GARIN1B: variants seen among roughly 807,000 people sequenced by gnomAD.
The protein encoded by GARIN1B is golgi associated RAB2 interactor 1B, also known as Golgi-associated RAB2 interactor protein 1B.
chr7:128,714,131 T>A, the GARIN1B span: 2 of 1,535,922 alleles, frequency 1.3e-6, no homozygotes, highest in East Asian at 2.4e-5. Context: ...TGGAATTGGA[T>A]GGTGAGAGCC....
the GARIN1B span, among the ~76,000 whole-genome samples, chr7:128,713,076 G>A: frequency 2.0e-5 from 3 of 152,080 alleles, no homozygotes; most frequent in Admixed American, 6.5e-5. Flanking sequence ...AGGTCAAGGC[G>A]GTTGGATTAC....
chr7:128,710,572 C>G, the GARIN1B span, among the ~76,000 whole-genome samples: 1 of 152,312 alleles, frequency 6.6e-6, no homozygotes, highest in South Asian at 2.1e-4. Context: ...TATTCTCAAG[C>G]CTGTCATCCA....
the GARIN1B span, among the ~76,000 whole-genome samples, chr7:128,721,481 C>T: frequency 6.2e-4 from 94 of 152,086 alleles, no homozygotes; most frequent in Non-Finnish European, 9.7e-4. Context: ...AGCAGTTTTA[C>T]AGATTCCTTG....
At chr7:128,719,759 G>C in the GARIN1B span, among the ~76,000 whole-genome samples, 3 of 146,916 alleles carry the variant, frequency 2.0e-5, no homozygotes, top group Non-Finnish European at 4.5e-5. Context: ...GAGTGCAGTG[G>C]CACAATCTTG....
the GARIN1B span, among the ~76,000 whole-genome samples, chr7:128,722,915 C>G: frequency 1.3e-5 from 2 of 152,046 alleles, no homozygotes; most frequent in African/African-American, 4.8e-5. Context: ...ATAGGCTATT[C>G]ATACATTATA....
chr7:128,727,813 C>T, the GARIN1B span, among the ~76,000 whole-genome samples: 1 of 152,146 alleles, frequency 6.6e-6, no homozygotes, highest in African/African-American at 2.4e-5. Context: ...TCACACAACA[C>T]CTTCCTGCCA....
the GARIN1B span, chr7:128,724,844 A>C: frequency 1.1e-4 from 137 of 1,289,522 alleles, no homozygotes; most frequent in Non-Finnish European, 1.4e-4. Flanking sequence ...ACTGAAAACC[A>C]GTACAGCTTG....
At chr7:128,730,469 A>G in the GARIN1B span, among the ~76,000 whole-genome samples, 2 of 151,312 alleles carry the variant, frequency 1.3e-5, no homozygotes, top group Non-Finnish European at 2.9e-5. Context: ...GTGGGGTCAG[A>G]CCTCCCTAAG....
the GARIN1B span, among the ~76,000 whole-genome samples, chr7:128,712,697 T>C: frequency 1.5e-3 from 226 of 152,278 alleles, 1 homozygote; most frequent in African/African-American, 5.3e-3. Context: ...TCACTAAAAG[T>C]GCAAACAGTA....
At chr7:128,710,600 T>G in the GARIN1B span, among the ~76,000 whole-genome samples, 1 of 152,252 alleles carries the variant, frequency 6.6e-6, no homozygotes, top group African/African-American at 2.4e-5. Flanking sequence ...GACTCAGTTT[T>G]CTGTCATGCC....
the GARIN1B span, among the ~76,000 whole-genome samples, chr7:128,710,172 CCCAAAGT>C: frequency 6.6e-6 from 1 of 152,078 alleles, no homozygotes. Context: ...GCCTCAGCCT[CCCAAAGT>C]GCTGGGATTA....
At chr7:128,710,672 T>C in the GARIN1B span, among the ~76,000 whole-genome samples, 1 of 148,222 alleles carries the variant, frequency 6.7e-6, no homozygotes, top group African/African-American at 2.5e-5. Context: ...TTCTTGTTTC[T>C]TTTTTTCTTT....
chr7:128,723,898 G>A, the GARIN1B span, among the ~76,000 whole-genome samples: 510 of 152,260 alleles, frequency 3.3e-3, 4 homozygotes, highest in Non-Finnish European at 4.9e-3. Flanking sequence ...AAGCATGGTG[G>A]GCTTGACTCC....
the GARIN1B span, among the ~76,000 whole-genome samples, chr7:128,722,902 T>G: frequency 6.6e-6 from 1 of 152,200 alleles, no homozygotes; most frequent in African/African-American, 2.4e-5. Flanking sequence ...AAAGCTTATA[T>G]TAATAGGCTA....
chr7:128,710,317 A>G, the GARIN1B span, among the ~76,000 whole-genome samples: 1 of 152,176 alleles, frequency 6.6e-6, no homozygotes, highest in Non-Finnish European at 1.5e-5. Flanking sequence ...TGCTCACTTT[A>G]CCTGCAATAT....
chr7:128,722,660 T>C, the GARIN1B span, among the ~76,000 whole-genome samples: 226 of 151,960 alleles, frequency 1.5e-3, 1 homozygote, highest in African/African-American at 5.2e-3. Flanking sequence ...AAAAATTAGC[T>C]AGGTGTGGTG....
the GARIN1B span, chr7:128,724,877 A>G: frequency 1.6e-6 from 2 of 1,286,428 alleles, no homozygotes; most frequent in African/African-American, 3.0e-5. Context: ...GCTTATAGCA[A>G]CGAAGAGCTC....
At chr7:128,715,908 C>G in the GARIN1B span, among the ~76,000 whole-genome samples, 688 of 148,500 alleles carry the variant, frequency 4.6e-3, 25 homozygotes, top group East Asian at 0.095. Flanking sequence ...GGAGAAAGGT[C>G]AGGGGTCCTC....
the GARIN1B span, among the ~76,000 whole-genome samples, chr7:128,719,928 G>T: frequency 6.6e-6 from 1 of 151,900 alleles, no homozygotes; most frequent in Non-Finnish European, 1.5e-5. Flanking sequence ...TGGAACTCCT[G>T]ACCTCAGGTG....
Sources: gnomAD v4.1 joint callset for allele counts (sites outside exome capture counted in the v4.1 genomes callset) on GRCh38, gnomAD v4.1.1 for gene constraint, MANE v1.5 for transcripts, NCBI Gene and HGNC (gene_info 2026-07-23, HGNC 2026-07-21) for gene names.